The following KAT5 variants were observed in gnomAD, a reference collection of about 807,000 sequenced individuals.
KAT5 encodes the protein lysine acetyltransferase 5, also known as histone acetyltransferase KAT5.
A neutral mutation model predicts 68.1 loss-of-function variants in KAT5; 31 were observed. That is an observed-to-expected ratio of 0.46 (90% confidence interval 0.34 to 0.61). The LOEUF (loss-of-function observed/expected upper bound fraction) is 0.61, where lower values mean the gene tolerates loss of function less well. KAT5 is among the 20% of genes least tolerant of loss of function. KAT5 has a pLI of 0.01. For synonymous variants in KAT5, 365 were observed against 292.6 expected (o/e 1.25, Z -2.52); for missense variants, 451 against 725.5 (o/e 0.62, Z 4.35).
At position 65,712,749 on chromosome 11, in the gene KAT5, C is replaced by G; in HGVS notation, c.179-17C>G. The G allele has an allele frequency of 1.2e-6, 2 of 1,613,870 alleles. No homozygotes were observed. Among genetic ancestry groups the G allele is most frequent in the Middle Eastern group, 3.3e-4 (2 of 6,026 alleles). ...AGCCTGGCCTGTCTAAGGCCCCTGT[C>G]TATGCTATTCTCATAGCCCTGGCCG... On this transcript the variant is annotated splice_polypyrimidine_tract_variant and intron_variant, in intron 1 of 12. Transcript: ENST00000341318.
chr11:65,713,352 C>A lies in KAT5; in HGVS notation c.389C>A (p.Ala130Asp). 1 of 1,614,088 alleles carries A rather than the reference C, an allele frequency of 6.2e-7. No homozygotes were observed. The highest frequency in any genetic ancestry group is 8.5e-7 in the Non-Finnish European group (1 of 1,179,974). ...RPGSPEREVP[A>D]SAQASGKTLP... ...ACCCTGGACCTATCTCTACAGCCGG[C>A]CTCGGCGCAGGCCAGCGGGAAGACC... The change falls in exon 4 of 13, where the codon GCC becomes GAC. Residue 130 changes from alanine to aspartate, a missense_variant. By Grantham distance (126) the Ala-to-Asp change is moderately radical. Transcript: ENST00000341318.
rs3372 is a variant in KAT5, at chr11:65,717,747, G to A, written c.1264+765G>A. ...TCACATCCTCAGAACTTCTCAGCCT[G>A]GTAGCACAAGTGGATGCTTGAAGAA... On this transcript the variant is annotated intron_variant, in intron 10 of 12. Transcript: ENST00000341318. 0.3 allele frequency: 45,697 copies of A among 152,498 alleles called. 7,318 individuals are homozygous for A. Among genetic ancestry groups the A allele is most frequent in the Non-Finnish European group, 0.36 (24,712 of 68,292 alleles). The allele number at this position is 152,498 out of a possible 1,614,324, so 9.4% of individuals were successfully genotyped here.
At position 65,714,479 on chromosome 11, in the gene KAT5, C is replaced by T. The variant is rs184003597; in HGVS notation, c.691-16C>T. The T allele has an allele frequency of 2.1e-5, 34 of 1,611,680 alleles. No individual in the cohort carries two copies. In the Admixed American group the frequency reaches 3.8e-4, roughly 18 times the overall value. Reference sequence around the variant, plus strand: ...CTGTCTCTTACAACCTGGTATTTTCCACTGGCCCTGGGCAGGACTCCCAGG... The same window carrying T: ...CTGTCTCTTACAACCTGGTATTTTCTACTGGCCCTGGGCAGGACTCCCAGG... On this transcript the variant is annotated splice_polypyrimidine_tract_variant and intron_variant, in intron 6 of 12. Transcript: ENST00000341318.
At position 65,712,916 on chromosome 11, in the gene KAT5, C is replaced by G. The variant is rs1218850884; in HGVS notation, c.248-6C>G. 6.2e-6 allele frequency: 10 copies of G among 1,614,032 alleles called. No individual in the cohort carries two copies. Among genetic ancestry groups the G allele is most frequent in the East Asian group, 2.2e-5 (1 of 44,902 alleles). ...ATTCTGTCCTGAGCCATCCCCACTG[C>G]TACAGTCAACAAACGTCTGGATGAA... is the stretch of plus-strand genomic sequence containing the variant. On this transcript the variant is annotated splice_polypyrimidine_tract_variant and splice_region_variant and intron_variant, in intron 2 of 12. Transcript: ENST00000341318.
At position 65,712,356 on chromosome 11, in the gene KAT5, C is replaced by T. The variant is rs775392306; in HGVS notation, c.89C>T (p.Pro30Leu). The T allele has an allele frequency of 1.3e-6, 2 of 1,539,072 alleles. No homozygotes were observed. Among genetic ancestry groups the T allele is most frequent in the Non-Finnish European group, 1.7e-6 (2 of 1,153,568 alleles). ...GCCCGAGGCCCCCCAGTAGCCGACCCTGGCGTCGCGCTGTCTCCCCAGGGG... is the reference window on the plus strand; with the variant it reads ...GCCCGAGGCCCCCCAGTAGCCGACCTTGGCGTCGCGCTGTCTCCCCAGGGG... ...GRARGPPVAD[P>L]GVALSPQGEI... Residue 30 changes from proline to leucine, a missense_variant, in exon 1 of 13, where the codon CCT becomes CTT. By Grantham distance (98) the Pro-to-Leu change is moderately conservative. Around this residue, in one of 4 missense-constraint regions of KAT5, gnomAD observed 104 missense variants for 107.3 expected, o/e 0.97. Transcript: ENST00000341318.
At position 65,718,475 on chromosome 11, in the gene KAT5, A is replaced by G. The variant is rs993338670; in HGVS notation, c.1265-115A>G. ...GAGAAGTGGAGGGCATAGAACTGCCAAGTGGCAGGGCCATGATAGGAACTA... is the reference window on the plus strand; with the variant it reads ...GAGAAGTGGAGGGCATAGAACTGCCGAGTGGCAGGGCCATGATAGGAACTA... On this transcript the variant is annotated intron_variant, in intron 10 of 12. Coordinates refer to ENST00000341318, the MANE Select transcript of KAT5 (RefSeq NM_182710.3). 6 of 1,055,240 alleles carry G rather than the reference A, an allele frequency of 5.7e-6. No individual in the cohort carries two copies. In the African/African-American group the frequency reaches 7.9e-5, roughly 14 times the overall value. 65.4% of individuals were successfully genotyped at this position (1,055,240 alleles called of 1,614,324 possible). A position where few individuals can be genotyped will look rare whatever the true frequency, so the allele number is the denominator to read the frequency against.
chr11:65,714,456 G>A (rs773804987), intron 6 of KAT5, 39 bp from the exon 7 acceptor site: 3 of 1,603,402 alleles, frequency 1.9e-6, no homozygotes, highest in Admixed American at 1.7e-5. Flanking sequence ...CTGCTGAGCT[G>A]TCTCTTACAA....
Position 65,713,377 on chromosome 11 carries a change from C to T in KAT5, c.414C>T (p.Thr138=). 6.2e-7 allele frequency: 1 copy of T among 1,614,136 alleles called. No homozygotes were observed. ...CCTCGGCGCAGGCCAGCGGGAAGACCTTGCCAATCCCGGTCCAGATCACAC... is the reference window on the plus strand; with the variant it reads ...CCTCGGCGCAGGCCAGCGGGAAGACTTTGCCAATCCCGGTCCAGATCACAC... The part of the protein sequence containing the change: ...VPASAQASGK[T]LPIPVQITLR... The change falls in exon 4 of 13, where the codon ACC becomes ACT. Residue 138 remains threonine (T), a synonymous_variant. Coordinates refer to ENST00000341318, the MANE Select transcript of KAT5 (RefSeq NM_182710.3).
Position 65,714,664 on chromosome 11 carries a change from TCAC to T in KAT5, c.864_866del (p.Thr289del), listed in dbSNP as rs755643538. 7 of 1,614,228 alleles carry T rather than the reference TCAC, an allele frequency of 4.3e-6. No individual in the cohort carries two copies. Among genetic ancestry groups the T allele is most frequent in the Non-Finnish European group, 5.1e-6 (6 of 1,180,038 alleles). On this transcript the variant is annotated inframe_deletion, in exon 7 of 13. Transcript: ENST00000341318. ...TACTTCTCCCCGTACCCACAGGAAC[TCAC>T]CACATTGCCTGTCCTCTACCTGTGC...
intron 8 of KAT5, 84 bp downstream of exon 8, chr11:65,714,994 C>T (rs1209643979): frequency 5.9e-6 from 7 of 1,185,900 alleles, no homozygotes; most frequent in Non-Finnish European, 7.5e-6. Context: ...CCAGTCAAGC[C>T]AGCAGATCAG....
At chr11:65,713,106 C>T (rs747033439) in intron 3 of KAT5, 48 bp downstream of exon 3, 2 of 1,608,716 alleles carry the variant, frequency 1.2e-6, no homozygotes, top group Non-Finnish European at 8.5e-7. Flanking sequence ...TCCTATTTCT[C>T]TTGTCTGTTG....
chr11:65,712,537 A>G (rs771945201), intron 1 of KAT5, 92 bp downstream of exon 1: 1 of 1,433,716 alleles, frequency 7.0e-7, no homozygotes, highest in East Asian at 2.4e-5. Context: ...GTCTGGAATT[A>G]TGGGGCGGGC....
At chr11:65,712,213 G>A, upstream of KAT5, 2 of 1,390,460 alleles carry the variant, frequency 1.4e-6, no homozygotes, top group Non-Finnish European at 1.9e-6. Context: ...AGGGCGCTCG[G>A]TCCCGGAAGT....
rs531106902 is a variant in KAT5 at position 65,718,576 on chromosome 11, C to T, written c.1265-14C>T. 4 of 1,611,630 alleles carry T rather than the reference C, an allele frequency of 2.5e-6. No individual in the cohort carries two copies. The South Asian group carries it at 4.4e-5, about 18-fold the overall frequency. On this transcript the variant is annotated splice_polypyrimidine_tract_variant and intron_variant, in intron 10 of 12. Transcript: ENST00000341318. ...GTGACCTCTTACTCACCCTCTCCTGCTCCATTGCTTTAGGCTATGAACTCT... is the reference window on the plus strand; with the variant it reads ...GTGACCTCTTACTCACCCTCTCCTGTTCCATTGCTTTAGGCTATGAACTCT...
chr11:65,712,280 G>A lies in KAT5; in HGVS notation c.13G>A (p.Val5Met). The change falls in exon 1 of 13, where the codon GTG (valine) becomes ATG (methionine). Residue 5 changes from valine to methionine, a missense_variant. Coordinates refer to ENST00000341318, the MANE Select transcript of KAT5 (RefSeq NM_182710.3). MAEV[V>M]SPVPGAGRRE... Reference sequence around the variant, plus strand: ...GGAGGGAGGGAAGATGGCGGAGGTGGTGAGTCCGGTGCCCGGGGCGGGGCG... The same window carrying A: ...GGAGGGAGGGAAGATGGCGGAGGTGATGAGTCCGGTGCCCGGGGCGGGGCG... The A allele has an allele frequency of 7.0e-7, 1 of 1,430,144 alleles. No homozygotes were observed. The highest frequency in any genetic ancestry group is 9.2e-7 in the Non-Finnish European group (1 of 1,092,500). 88.6% of individuals were successfully genotyped at this position (1,430,144 alleles called of 1,614,324 possible).
chr11:65,712,652 G>A, intron 1 of KAT5, 114 bp from the exon 2 acceptor site: 1 of 1,342,126 alleles, frequency 7.5e-7, no homozygotes, highest in Non-Finnish European at 1.1e-6. Context: ...AGGCTTAGGA[G>A]AGACCTAAGT....
intron 1 of KAT5, 160 bp downstream of exon 1, chr11:65,712,605 G>A: frequency 8.2e-7 from 1 of 1,215,574 alleles, no homozygotes; most frequent in South Asian, 1.3e-5. Flanking sequence ...GAGGTACAGG[G>A]CGGGGCCTGG....
In KAT5 at chr11:65,713,808, C is replaced by T. The variant is rs1857108702; in HGVS notation, c.650C>T (p.Pro217Leu). ...GAARRAVAAQ[P>L]GRKRKSNCLG... Reference sequence around the variant, plus strand: ...GCCCGTAGGGCAGTGGCAGCCCAGCCAGGACGGAAGCGAAAATCGAATTGT... The same window carrying T: ...GCCCGTAGGGCAGTGGCAGCCCAGCTAGGACGGAAGCGAAAATCGAATTGT... Residue 217 changes from proline (P) to leucine (L), a missense_variant, in exon 6 of 13, where the codon CCA becomes CTA. By Grantham distance (98) the Pro-to-Leu change is moderately conservative. This residue lies in a region of KAT5 where 210 missense variants were observed against 423.7 expected (regional missense o/e 0.50). Coordinates refer to ENST00000341318, the MANE Select transcript of KAT5 (RefSeq NM_182710.3). 1 of 1,605,780 alleles carries T rather than the reference C, an allele frequency of 6.2e-7. No individual in the cohort carries two copies. Among genetic ancestry groups the T allele is most frequent in the African/African-American group, 1.3e-5 (1 of 74,778 alleles).
Position 65,716,997 on chromosome 11 carries a change from T to C in KAT5, c.1264+15T>C. On this transcript the variant is annotated intron_variant, in intron 10 of 12. Coordinates refer to ENST00000341318, the MANE Select transcript of KAT5 (RefSeq NM_182710.3). ...GATCGAGTTCAGTGAGTATGTGTGC[T>C]GCGGCCAGGGGGTAGTGGACCCACT... 6.3e-7 allele frequency: 1 copy of C among 1,597,856 alleles called. No individual in the cohort carries two copies. The highest frequency in any genetic ancestry group is 8.6e-7 in the Non-Finnish European group (1 of 1,165,178).
Sources: gnomAD v4.1 joint callset for allele counts on GRCh38, gnomAD v4.1.1 for gene constraint, gnomAD v4.1.1 regional missense constraint, MANE v1.5 for transcripts, NCBI Gene and HGNC (gene_info 2026-07-23, HGNC 2026-07-21) for gene names.